CNOT4: variants seen among roughly 807,000 people sequenced by gnomAD.
CNOT4 encodes CCR4-NOT transcription complex subunit 4, also known as CCR4-associated factor 4.
In CNOT4, 8 loss-of-function variants were observed where a neutral mutation model predicts 73.8. The ratio of observed to expected loss-of-function variants is 0.11; its 90% confidence interval spans 0.06 to 0.20. The LOEUF is 0.20. Among genes scored for constraint, CNOT4 ranks in the 10% least tolerant of loss-of-function variants. The pLI is 1.00. For missense variants in CNOT4, 564 were observed against 883.4 expected (o/e 0.64, Z 4.58); for synonymous variants, 293 against 321.1 (o/e 0.91, Z 0.94).
chr7:135,425,191 A>G (rs1003756315), intron 2 of CNOT4, among the ~76,000 whole-genome samples: 7 of 152,256 alleles, frequency 4.6e-5, no homozygotes. Flanking sequence ...TCTTCATCAC[A>G]GAAGGCGTAA....
At chr7:135,430,255 A>G (rs1265584594) in intron 2 of CNOT4, among the ~76,000 whole-genome samples, 2 of 152,252 alleles carry the variant, frequency 1.3e-5, no homozygotes, top group Admixed American at 1.3e-4. Context: ...AGACAAAAAA[A>G]TCTTCTGAAA....
chr7:135,489,269 A>T (rs898569333), intron 1 of CNOT4, among the ~76,000 whole-genome samples: 2 of 151,952 alleles, frequency 1.3e-5, no homozygotes, highest in African/African-American at 4.8e-5. Context: ...TCAACATATA[A>T]TCTATATTTT....
intron 1 of CNOT4, among the ~76,000 whole-genome samples, chr7:135,453,607 G>A (rs866352509): frequency 2.6e-5 from 4 of 151,536 alleles, no homozygotes; most frequent in Middle Eastern, 3.4e-3. Context: ...AATTCATAAA[G>A]GAGGGCAGAT....
intron 7 of CNOT4, among the ~76,000 whole-genome samples, chr7:135,403,979 C>G (rs1797142060): frequency 6.6e-6 from 1 of 152,134 alleles, no homozygotes; most frequent in Non-Finnish European, 1.5e-5. Context: ...ACACACAACC[C>G]TATCTTTAAC....
At chr7:135,444,391 C>T (rs1360228135) in intron 1 of CNOT4, 1 of 704,912 alleles carries the variant, frequency 1.4e-6, no homozygotes. Context: ...GAGGCATACA[C>T]AAAATGTGGT....
At chr7:135,507,268 A>C (rs532813397) in intron 1 of CNOT4, among the ~76,000 whole-genome samples, 2 of 152,210 alleles carry the variant, frequency 1.3e-5, no homozygotes, top group Admixed American at 6.5e-5. Context: ...TCATGTTCAA[A>C]ACCTTCTTAC....
At chr7:135,435,480 A>G (rs371928196) in intron 2 of CNOT4, among the ~76,000 whole-genome samples, 7 of 152,302 alleles carry the variant, frequency 4.6e-5, no homozygotes, top group South Asian at 2.1e-4. Context: ...CAGGCCATCT[A>G]TAAGATTTTT....
intron 10 of CNOT4, among the ~76,000 whole-genome samples, chr7:135,367,968 TA>T (rs11301789): frequency 0.076 from 11,577 of 152,178 alleles, 504 homozygotes; most frequent in Middle Eastern, 0.14. Flanking sequence ...TTTCTGATGT[TA>T]AAAAATTTTA....
chr7:135,508,382 T>G (rs554065533), intron 1 of CNOT4, among the ~76,000 whole-genome samples: 2 of 152,248 alleles, frequency 1.3e-5, no homozygotes, highest in Non-Finnish European at 2.9e-5. Context: ...TGCTTTTTAC[T>G]GTAGATAACA....
At chr7:135,501,233 C>A (rs1269955657) in intron 1 of CNOT4, among the ~76,000 whole-genome samples, 2 of 152,140 alleles carry the variant, frequency 1.3e-5, no homozygotes, top group African/African-American at 4.8e-5. Context: ...AATCCTCCCA[C>A]CTCAGCCTCC....
intron 1 of CNOT4, among the ~76,000 whole-genome samples, chr7:135,465,821 G>A (rs1050163709): frequency 5.9e-5 from 9 of 152,210 alleles, no homozygotes; most frequent in Admixed American, 3.3e-4. Flanking sequence ...GCCGAGGCAG[G>A]TGGATCACTT....
chr7:135,362,815 G>T lies in CNOT4; in HGVS notation c.*70C>A. 1 of 1,344,290 alleles carries T rather than the reference G, an allele frequency of 7.4e-7. No homozygotes were observed. The allele number at this position is 1,344,290 out of a possible 1,614,324, so 83.3% of individuals were successfully genotyped here. On this transcript the variant is annotated 3_prime_UTR_variant, in exon 12 of 12. Coordinates refer to ENST00000541284, the MANE Select transcript of CNOT4 (RefSeq NM_001190850.2). ...CATAAGAGATGAGAAGGGAGCTGTG[G>T]GTGGTGGGCTGAGAGGGAGAAAACA...
intron 1 of CNOT4, among the ~76,000 whole-genome samples, chr7:135,465,553 A>C (rs890301236): frequency 6.6e-6 from 1 of 152,110 alleles, no homozygotes; most frequent in Non-Finnish European, 1.5e-5. Context: ...CTTATGAAAA[A>C]AAGTTAACCG....
intron 3 of CNOT4, 63 bp downstream of exon 3, chr7:135,422,093 T>G: frequency 8.5e-6 from 8 of 946,166 alleles, no homozygotes; most frequent in Non-Finnish European, 1.4e-5. Context: ...GGTCAAATAT[T>G]ATTTCCAAGT....
chr7:135,474,521 C>T (rs1801866933), intron 1 of CNOT4, among the ~76,000 whole-genome samples: 1 of 151,992 alleles, frequency 6.6e-6, no homozygotes, highest in South Asian at 2.1e-4. Context: ...AAGTGATCCG[C>T]CCACAGTGGC....
In CNOT4 at chr7:135,410,557, T is replaced by A; in HGVS notation, c.779A>T (p.Asp260Val). 1 of 1,573,786 alleles carries A rather than the reference T, an allele frequency of 6.4e-7. No individual in the cohort carries two copies. Among genetic ancestry groups the A allele is most frequent in the Non-Finnish European group, 8.6e-7 (1 of 1,160,198 alleles). Residue 260 changes from aspartate to valine, a missense_variant, in exon 7 of 12, where the codon GAT (aspartate) becomes GTT (valine). Asp to Val is a radical substitution (Grantham distance 152). Around this residue, in one of 10 missense-constraint regions of CNOT4, gnomAD observed 135 missense variants for 154.0 expected, o/e 0.88. Coordinates refer to ENST00000541284, the MANE Select transcript of CNOT4 (RefSeq NM_001190850.2). ...NFLQLSTGSV[D>V]KNKNKVTPLQ... Reference sequence around the variant, plus strand: ...TGGTGTCACTTTGTTCTTATTTTTATCAACTGAACCCGTAGATAGCTGAAG... The same window carrying A: ...TGGTGTCACTTTGTTCTTATTTTTAACAACTGAACCCGTAGATAGCTGAAG...
intron 5 of CNOT4, 122 bp downstream of exon 5, chr7:135,414,209 T>A: frequency 1.8e-6 from 1 of 546,504 alleles, no homozygotes; most frequent in Non-Finnish European, 3.2e-6. Flanking sequence ...GTATGGACCC[T>A]AAGACAGACT....
intron 10 of CNOT4, among the ~76,000 whole-genome samples, chr7:135,378,579 A>G (rs1795654376): frequency 6.6e-6 from 1 of 152,076 alleles, no homozygotes; most frequent in African/African-American, 2.4e-5. Flanking sequence ...ATAAGCTGAC[A>G]GGTGAGTAAG....
chr7:135,447,208 C>T lies in CNOT4; in HGVS notation c.-92-8785G>A, dbSNP rs1233061460. Among the ~76,000 whole-genome samples, 2 of 106,628 alleles carry T rather than the reference C, an allele frequency of 1.9e-5. 1 individual carries two copies. Among genetic ancestry groups the T allele is most frequent in the African/African-American group, 5.5e-5 (2 of 36,624 alleles). The allele number at this position is 106,628 out of a possible 152,430, so 70.0% of individuals were successfully genotyped here. ...TCTGTATTAGACACATTTCACAAAG[C>T]ATGTTATTTACATAAACTACACGAA... On this transcript the variant is annotated intron_variant, in intron 1 of 11. Coordinates refer to ENST00000541284, the MANE Select transcript of CNOT4 (RefSeq NM_001190850.2).
Sources: gnomAD v4.1 joint callset for allele counts (sites outside exome capture counted in the v4.1 genomes callset) on GRCh38, gnomAD v4.1.1 for gene constraint, gnomAD v4.1.1 regional missense constraint, MANE v1.5 for transcripts, NCBI Gene and HGNC (gene_info 2026-07-23, HGNC 2026-07-21) for gene names.